The following PTPRN2 variants were observed in gnomAD, a reference collection of about 807,000 sequenced individuals.
PTPRN2 encodes the protein protein tyrosine phosphatase receptor type N2.
In PTPRN2, 74 loss-of-function variants were observed where a neutral mutation model predicts 118.8. That is an observed-to-expected ratio of 0.62 (90% CI 0.52 to 0.76). The LOEUF (loss-of-function observed/expected upper bound fraction) is 0.76. Among genes scored for constraint, PTPRN2 ranks in the 30% least tolerant of loss-of-function variants. The pLI, the probability that PTPRN2 is intolerant of heterozygous loss-of-function variation, is 0.00. For synonymous variants in PTPRN2, 641 were observed against 608.0 expected (o/e 1.05, Z -0.80); for missense variants, 1,481 against 1,394.4 (o/e 1.06, Z -0.99).
chr7:158,318,150 G>GC (rs1802503030), intron 2 of PTPRN2, among the ~76,000 whole-genome samples: 1 of 152,104 alleles, frequency 6.6e-6, no homozygotes, highest in Non-Finnish European at 1.5e-5. Flanking sequence ...AGAGCCCGGC[G>GC]CCCCCCACCG....
intron 1 of PTPRN2, among the ~76,000 whole-genome samples, chr7:158,543,680 T>C (rs925570506): frequency 3.3e-5 from 5 of 152,244 alleles, no homozygotes; most frequent in Non-Finnish European, 5.9e-5. Context: ...TCGTTGAACA[T>C]GTAGTAAGTG....
At chr7:157,994,830 TA>T (rs530350132) in intron 11 of PTPRN2, among the ~76,000 whole-genome samples, 2 of 16,644 alleles carry the variant, frequency 1.2e-4, no homozygotes. Context: ...TCCTTGTTCC[TA>T]AAATCAACGC....
At chr7:157,993,201 G>A (rs554416798) in intron 11 of PTPRN2, among the ~76,000 whole-genome samples, 5 of 152,152 alleles carry the variant, frequency 3.3e-5, no homozygotes, top group Non-Finnish European at 5.9e-5. Flanking sequence ...CTATCAAAAC[G>A]TAAATAGATT....
chr7:158,576,738 C>A (rs10240140), intron 1 of PTPRN2, among the ~76,000 whole-genome samples: 6 of 151,228 alleles, frequency 4.0e-5, no homozygotes, highest in African/African-American at 1.5e-4. Context: ...GGGGCCTGCA[C>A]AACACTGAGA....
At chr7:157,553,885 A>C (rs1022808812) in intron 21 of PTPRN2, among the ~76,000 whole-genome samples, 1 of 152,200 alleles carries the variant, frequency 6.6e-6, no homozygotes, top group African/African-American at 2.4e-5. Context: ...ATCTTTCATA[A>C]GGGACAGACC....
At chr7:157,742,487 T>G (rs1454107886) in intron 12 of PTPRN2, among the ~76,000 whole-genome samples, 2 of 152,026 alleles carry the variant, frequency 1.3e-5, no homozygotes, top group Non-Finnish European at 2.9e-5. Flanking sequence ...GACTTCTGTT[T>G]TTTTTTTTTT....
intron 6 of PTPRN2, among the ~76,000 whole-genome samples, chr7:158,141,604 C>A (rs1819393902): frequency 6.6e-6 from 1 of 152,202 alleles, no homozygotes; most frequent in African/African-American, 2.4e-5. Context: ...GGGCGTCTTG[C>A]TACACGGCTG....
chr7:158,083,842 G>A (rs1441896662), intron 10 of PTPRN2, among the ~76,000 whole-genome samples: 1 of 149,186 alleles, frequency 6.7e-6, no homozygotes, highest in Admixed American at 6.7e-5. Flanking sequence ...CAGGAACCCT[G>A]TGGGAGGACG....
At chr7:158,497,522 G>T (rs1430430500) in intron 1 of PTPRN2, among the ~76,000 whole-genome samples, 1 of 152,094 alleles carries the variant, frequency 6.6e-6, no homozygotes, top group Non-Finnish European at 1.5e-5. Flanking sequence ...CCTCGCAGAG[G>T]AGGGTCCACA....
chr7:157,553,438 G>A (rs569549460), intron 21 of PTPRN2, among the ~76,000 whole-genome samples: 1 of 152,312 alleles, frequency 6.6e-6, no homozygotes, highest in Admixed American at 6.5e-5. Flanking sequence ...ACTGATCTCT[G>A]GAGATGGCTG....
intron 12 of PTPRN2, among the ~76,000 whole-genome samples, chr7:157,685,380 G>C (rs1008621549): frequency 1.1e-4 from 16 of 152,102 alleles, no homozygotes; most frequent in Non-Finnish European, 1.8e-4. Context: ...TGACCACCCT[G>C]GTTCTGAGGG....
At chr7:158,444,775 C>T (rs1169531488) in intron 2 of PTPRN2, among the ~76,000 whole-genome samples, 1 of 152,192 alleles carries the variant, frequency 6.6e-6, no homozygotes, top group African/African-American at 2.4e-5. Flanking sequence ...ACAGGGCCTG[C>T]GTCACATGCA....
At position 157,942,338 on chromosome 7, in the gene PTPRN2, C is replaced by T. The variant is rs139291534; in HGVS notation, c.1724-43601G>A. On this transcript the variant is annotated intron_variant, in intron 11 of 22. Coordinates refer to ENST00000389418, the MANE Select transcript of PTPRN2 (RefSeq NM_002847.5). The stretch of plus-strand genomic sequence containing the variant: ...CCACGGTGGGGTCCTCAGCCTTCAC[C>T]CTAGTTTTGCTCCCGCATCTGAGGG... Among the ~76,000 whole-genome samples, 980 of 152,278 alleles carry T rather than the reference C, an allele frequency of 6.4e-3. 9 individuals carry two copies. The highest frequency in any genetic ancestry group is 0.017 in the African/African-American group (701 of 41,554).
intron 2 of PTPRN2, among the ~76,000 whole-genome samples, chr7:158,405,139 T>A (rs1159285848): frequency 6.6e-6 from 1 of 151,932 alleles, no homozygotes. Context: ...GTTACAGGGT[T>A]TCCCCATCCA....
intron 1 of PTPRN2, among the ~76,000 whole-genome samples, chr7:158,556,127 T>C (rs1276035963): frequency 1.3e-5 from 2 of 152,188 alleles, no homozygotes; most frequent in Non-Finnish European, 2.9e-5. Context: ...GTTCTATTGA[T>C]AGATGATGAT....
intron 12 of PTPRN2, among the ~76,000 whole-genome samples, chr7:157,725,157 GAGCCAGACCC>G (rs1799460339): frequency 1.4e-5 from 2 of 147,712 alleles, no homozygotes; most frequent in African/African-American, 5.1e-5. Flanking sequence ...GCAGAGGAGT[GAGCCAGACCC>G]TCGCCTCCCA....
At chr7:158,440,970 T>C (rs1364111317) in intron 2 of PTPRN2, among the ~76,000 whole-genome samples, 1 of 111,972 alleles carries the variant, frequency 8.9e-6, no homozygotes, top group South Asian at 2.9e-4. Flanking sequence ...AGTAGTGGTG[T>C]TGGTGGTAGT....
intron 11 of PTPRN2, among the ~76,000 whole-genome samples, chr7:157,968,176 T>C (rs1802074313): frequency 2.0e-5 from 3 of 152,124 alleles, no homozygotes; most frequent in South Asian, 4.1e-4. Context: ...TGGTGTTTTA[T>C]GGTTTACAAG....
At chr7:158,042,610 C>T (rs62480161) in intron 11 of PTPRN2, among the ~76,000 whole-genome samples, 2 of 152,322 alleles carry the variant, frequency 1.3e-5, no homozygotes, top group Non-Finnish European at 2.9e-5. Flanking sequence ...TTGCTGTGTG[C>T]TGCTGGTATC....
Sources: allele counts gnomAD v4.1 joint callset (sites outside exome capture counted in the v4.1 genomes callset), GRCh38; gene constraint gnomAD v4.1.1; transcripts MANE v1.5; gene names NCBI Gene and HGNC (gene_info 2026-07-23, HGNC 2026-07-21).